Variants in PGCKA1 observed in about 807,000 individuals in gnomAD.
The protein encoded by PGCKA1 is PDCD10 and GCKIII kinases associated 1.
chr4:37,482,367 T>G, the PGCKA1 span, among the ~76,000 whole-genome samples: 87 of 152,118 alleles, frequency 5.7e-4, no homozygotes, highest in Non-Finnish European at 9.1e-4. Flanking sequence ...CCAATGGAGA[T>G]GAAGAACTTG....
chr4:37,462,463 T>G, the PGCKA1 span, among the ~76,000 whole-genome samples: 1 of 152,202 alleles, frequency 6.6e-6, no homozygotes, highest in African/African-American at 2.4e-5. Flanking sequence ...TTGACTTTTT[T>G]CATATACACT....
chr4:37,565,260 T>C, the PGCKA1 span, among the ~76,000 whole-genome samples: 1 of 152,198 alleles, frequency 6.6e-6, no homozygotes, highest in East Asian at 1.9e-4. Context: ...TATTCTGAGT[T>C]AATTTTATAT....
At chr4:37,551,681 G>A in the PGCKA1 span, among the ~76,000 whole-genome samples, 8 of 152,318 alleles carry the variant, frequency 5.3e-5, no homozygotes, top group African/African-American at 7.2e-5. Flanking sequence ...ACATGTGCCC[G>A]TAAAAGTGTA....
chr4:37,552,612 T>C, the PGCKA1 span, among the ~76,000 whole-genome samples: 1 of 152,182 alleles, frequency 6.6e-6, no homozygotes, highest in Non-Finnish European at 1.5e-5. Context: ...ATCCAAGAAG[T>C]CTTGAAATAA....
At chr4:37,495,996 G>C in the PGCKA1 span, among the ~76,000 whole-genome samples, 1 of 152,118 alleles carries the variant, frequency 6.6e-6, no homozygotes, top group Non-Finnish European at 1.5e-5. Flanking sequence ...CAGATGCATA[G>C]TTGGCAAAAA....
chr4:37,576,151 A>G, the PGCKA1 span, among the ~76,000 whole-genome samples: 1 of 152,086 alleles, frequency 6.6e-6, no homozygotes, highest in Non-Finnish European at 1.5e-5. Flanking sequence ...TAGAGATTGC[A>G]TGGGATCTAC....
the PGCKA1 span, among the ~76,000 whole-genome samples, chr4:37,468,260 C>T: frequency 6.6e-6 from 1 of 152,320 alleles, no homozygotes; most frequent in Non-Finnish European, 1.5e-5. Context: ...ACACAGCCAA[C>T]CCTGGCTTGA....
At chr4:37,520,367 T>C in the PGCKA1 span, among the ~76,000 whole-genome samples, 7 of 152,306 alleles carry the variant, frequency 4.6e-5, no homozygotes, top group Middle Eastern at 6.8e-3. Context: ...AGAATTACAG[T>C]AGTGAAGCCA....
chr4:37,554,899 G>A, the PGCKA1 span, among the ~76,000 whole-genome samples: 1 of 152,190 alleles, frequency 6.6e-6, no homozygotes, highest in Non-Finnish European at 1.5e-5. Context: ...AAACTAGGAA[G>A]GCCATGGATG....
the PGCKA1 span, chr4:37,590,163 C>T: frequency 2.6e-4 from 424 of 1,614,086 alleles, 1 homozygote; most frequent in East Asian, 1.5e-3. Flanking sequence ...TAGATGAAGA[C>T]GACACTGATA....
At chr4:37,570,146 A>ATTTTTTTTTTTT in the PGCKA1 span, among the ~76,000 whole-genome samples, 51 of 78,930 alleles carry the variant, frequency 6.5e-4, no homozygotes, top group Middle Eastern at 8.1e-3. Context: ...CGCCTGGCTA[A>ATTTTTTTTTTTT]TTTTTTTTTT....
the PGCKA1 span, among the ~76,000 whole-genome samples, chr4:37,531,143 C>T: frequency 8.5e-5 from 13 of 152,196 alleles, no homozygotes; most frequent in African/African-American, 2.2e-4. Flanking sequence ...TTATCTGAGG[C>T]GTTATCCTAG....
chr4:37,495,071 A>T, the PGCKA1 span, among the ~76,000 whole-genome samples: 15 of 152,128 alleles, frequency 9.9e-5, no homozygotes, highest in African/African-American at 2.7e-4. Flanking sequence ...TGGGCAAAGG[A>T]TATGAACAGA....
chr4:37,476,215 G>A, the PGCKA1 span, among the ~76,000 whole-genome samples: 7 of 152,072 alleles, frequency 4.6e-5, no homozygotes, highest in African/African-American at 1.7e-4. Context: ...TTTAGCACAT[G>A]GTTTGGTTCT....
At chr4:37,590,476 G>A in the PGCKA1 span, 13 of 1,611,170 alleles carry the variant, frequency 8.1e-6, no homozygotes, top group South Asian at 2.2e-5. Flanking sequence ...GGAAGGAGGG[G>A]GCACCAGGAA....
the PGCKA1 span, among the ~76,000 whole-genome samples, chr4:37,524,468 C>G: frequency 2.0e-5 from 3 of 152,236 alleles, no homozygotes; most frequent in African/African-American, 7.2e-5. Context: ...ATCTCCACAG[C>G]ATGGCAGCTG....
chr4:37,477,312 A>T, the PGCKA1 span, among the ~76,000 whole-genome samples: 1 of 152,210 alleles, frequency 6.6e-6, no homozygotes, highest in East Asian at 1.9e-4. Flanking sequence ...TGCATATTGT[A>T]TGATTCCATT....
the PGCKA1 span, among the ~76,000 whole-genome samples, chr4:37,581,118 G>C: frequency 1.2e-3 from 186 of 152,180 alleles, no homozygotes; most frequent in Non-Finnish European, 2.5e-3. The surrounding 1 kb of genome is among the most constrained non-coding windows in gnomAD (Gnocchi z 4.4). Flanking sequence ...CCAGGCCTAG[G>C]ACACATCCTT....
chr4:37,494,660 C>T, the PGCKA1 span, among the ~76,000 whole-genome samples: 1 of 152,096 alleles, frequency 6.6e-6, no homozygotes, highest in African/African-American at 2.4e-5. Context: ...ACTCCTGGGT[C>T]GATTGGTAGT....
Sources: allele counts gnomAD v4.1 joint callset (sites outside exome capture counted in the v4.1 genomes callset), GRCh38; gene constraint gnomAD v4.1.1; non-coding constraint Gnocchi (gnomAD v3.1); transcripts MANE v1.5; gene names NCBI Gene and HGNC (gene_info 2026-07-23, HGNC 2026-07-21).